Variants in NAALADL2 observed in about 807,000 individuals in gnomAD.
NAALADL2 encodes the protein inactive N-acetylated-alpha-linked acidic dipeptidase-like protein 2.
A neutral mutation model predicts 87.2 loss-of-function variants in NAALADL2; 76 were observed. That is an observed-to-expected ratio of 0.87 (90% CI 0.72 to 1.05). The LOEUF (loss-of-function observed/expected upper bound fraction) is 1.05, where lower values mean the gene tolerates loss of function less well. Ranked by LOEUF, NAALADL2 falls within the 50% of genes least tolerant of loss-of-function variation. The pLI, the probability that NAALADL2 is intolerant of heterozygous loss-of-function variation, is 0.00. For missense variants in NAALADL2, 1,089 were observed against 945.8 expected, an observed-to-expected ratio of 1.15 and a Z score of -1.99; for synonymous variants, 354 against 331.0, an observed-to-expected ratio of 1.07 and a Z score of -0.75.
rs149146116 is a variant in NAALADL2, at chr3:174,617,890, A to G, written c.-115+67253A>G. Among the ~76,000 whole-genome samples, 380 of 151,866 alleles carry G rather than the reference A, an allele frequency of 2.5e-3. 2 individuals are homozygous for G. Among genetic ancestry groups the G allele is most frequent in the African/African-American group, 8.6e-3 (357 of 41,530 alleles). Reference sequence around the variant, plus strand: ...AAAATGTGATCTAGCTTTATGTTATATAGTCTCTAAGATGGGAATACATGG... The same window carrying G: ...AAAATGTGATCTAGCTTTATGTTATGTAGTCTCTAAGATGGGAATACATGG... On this transcript the variant is annotated intron_variant, in intron 2 of 3. Transcript: ENST00000434257.
At chr3:175,269,487 C>T (rs1457253596) in intron 4 of NAALADL2, among the ~76,000 whole-genome samples, 1 of 152,176 alleles carries the variant, frequency 6.6e-6, no homozygotes, top group African/African-American at 2.4e-5. Flanking sequence ...AGGAAAATTT[C>T]AGCTCCGTTA....
chr3:174,465,786 C>G (rs1406277851), intron 1 of NAALADL2, among the ~76,000 whole-genome samples: 1 of 152,086 alleles, frequency 6.6e-6, no homozygotes, highest in African/African-American at 2.4e-5. Flanking sequence ...CTTACACCCT[C>G]ATAACTAAAG....
chr3:175,076,376 G>T (rs2082931006), intron 1 of NAALADL2, among the ~76,000 whole-genome samples: 3 of 146,182 alleles, frequency 2.1e-5, no homozygotes, highest in Admixed American at 1.4e-4. Flanking sequence ...TCTAAAGACA[G>T]TTCTTAAAAG....
chr3:175,773,388 A>C (rs1293570041), intron 13 of NAALADL2: 2 of 151,808 alleles, frequency 1.3e-5, no homozygotes, highest in African/African-American at 2.4e-5. Flanking sequence ...CTTCTAATTG[A>C]TATCATTGTG....
At chr3:175,513,745 A>G (rs1731480887) in intron 9 of NAALADL2, among the ~76,000 whole-genome samples, 1 of 152,228 alleles carries the variant, frequency 6.6e-6, no homozygotes. Context: ...AGCGTGTGGC[A>G]TCTTGGATCC....
intron 4 of NAALADL2, among the ~76,000 whole-genome samples, chr3:175,303,948 C>T (rs1014854480): frequency 3.3e-5 from 5 of 151,668 alleles, no homozygotes; most frequent in Non-Finnish European, 7.4e-5. Flanking sequence ...CTTCTGTGCC[C>T]GAAATCTTTG....
At position 175,755,352 on chromosome 3, in the gene NAALADL2, T is replaced by C; in HGVS notation, c.2123T>C (p.Leu708Pro). 1 of 1,612,590 alleles carries C rather than the reference T, an allele frequency of 6.2e-7. No individual in the cohort carries two copies. Residue 708 changes from leucine (L) to proline (P), a missense_variant, in exon 13 of 14, where the codon CTG (leucine) becomes CCG (proline). Physicochemically the swap from Leu to Pro is moderately conservative, Grantham distance 98 (BLOSUM62 -3). Transcript: ENST00000454872. Reference sequence around the variant, plus strand: ...AGAGCACCCATCCGCATCCGGATGCTGAATGACATTCTCCAAGACATGGAG... The same window carrying C: ...AGAGCACCCATCCGCATCCGGATGCCGAATGACATTCTCCAAGACATGGAG... ...KERAPIRIRMLNDILQDMEKS... is the reference protein window; with the variant it reads ...KERAPIRIRMPNDILQDMEKS...
At chr3:175,703,266 T>A (rs1319482592) in intron 11 of NAALADL2, among the ~76,000 whole-genome samples, 1 of 152,168 alleles carries the variant, frequency 6.6e-6, no homozygotes, top group East Asian at 1.9e-4. Flanking sequence ...TCATTAAACC[T>A]TGGGAACAAG....
At chr3:174,712,261 C>T (rs1730713797) in intron 2 of NAALADL2, among the ~76,000 whole-genome samples, 1 of 151,452 alleles carries the variant, frequency 6.6e-6, no homozygotes, top group South Asian at 2.1e-4. Context: ...TTAATAATTT[C>T]TAATGGGATA....
intron 1 of NAALADL2, among the ~76,000 whole-genome samples, chr3:174,976,314 T>G (rs536089019): frequency 6.6e-6 from 1 of 152,330 alleles, no homozygotes; most frequent in South Asian, 2.1e-4. Context: ...TTGTCTATAG[T>G]CCTCATAGTA....
intron 4 of NAALADL2, among the ~76,000 whole-genome samples, chr3:175,318,978 A>AT (rs58398985): frequency 0.22 from 33,908 of 152,044 alleles, 3,876 homozygotes; most frequent in African/African-American, 0.25. Flanking sequence ...ATTCTATTAT[A>AT]TTTTTATATA....
chr3:175,317,164 G>T (rs1271482827), intron 4 of NAALADL2, among the ~76,000 whole-genome samples: 1 of 151,946 alleles, frequency 6.6e-6, no homozygotes, highest in African/African-American at 2.4e-5. Context: ...TTATAAAAGG[G>T]GTCACAACAT....
intron 12 of NAALADL2, among the ~76,000 whole-genome samples, chr3:175,747,762 T>C (rs140894200): frequency 6.6e-6 from 1 of 152,322 alleles, no homozygotes; most frequent in Non-Finnish European, 1.5e-5. Context: ...CCACCTGAAT[T>C]TAATTCATTC....
rs115946958 is a variant in NAALADL2 at position 175,040,043 on chromosome 3, G to A, written c.44-56747G>A. Among the ~76,000 whole-genome samples, 215 of 152,126 alleles carry A rather than the reference G, an allele frequency of 1.4e-3. 1 individual carries two copies. The highest frequency in any genetic ancestry group is 4.8e-3 in the African/African-American group (201 of 41,522). On this transcript the variant is annotated intron_variant, in intron 1 of 13. Coordinates refer to ENST00000454872, the MANE Select transcript of NAALADL2 (RefSeq NM_207015.3). ...CGCACAGGCATATGTGCACACACAC[G>A]CATACACTCAACCCCAGCCAAGATC... is the stretch of plus-strand genomic sequence containing the variant.
At chr3:174,825,248 T>G (rs1721853272) in intron 3 of NAALADL2, among the ~76,000 whole-genome samples, 1 of 152,202 alleles carries the variant, frequency 6.6e-6, no homozygotes, top group Non-Finnish European at 1.5e-5. Flanking sequence ...TCAGTTTGCA[T>G]CTTAAGGCCT....
intron 11 of NAALADL2, among the ~76,000 whole-genome samples, chr3:175,700,135 G>T (rs761950017): frequency 7.9e-5 from 12 of 152,100 alleles, no homozygotes; most frequent in Non-Finnish European, 1.5e-4. Flanking sequence ...TATCTGTAAA[G>T]GCCTTGTTTG....
chr3:174,789,678 A>C (rs1717230914), intron 3 of NAALADL2, among the ~76,000 whole-genome samples: 1 of 152,214 alleles, frequency 6.6e-6, no homozygotes, highest in Non-Finnish European at 1.5e-5. Context: ...GGTAAATAAG[A>C]GGAATGGAGA....
intron 13 of NAALADL2, among the ~76,000 whole-genome samples, chr3:175,776,630 T>A (rs370292636): frequency 6.6e-6 from 1 of 152,130 alleles, no homozygotes; most frequent in East Asian, 1.9e-4. Context: ...AAAGTCTGCA[T>A]CTCGAAGACT....
chr3:174,472,881 G>A, intron 1 of NAALADL2, among the ~76,000 whole-genome samples: 1 of 151,890 alleles, frequency 6.6e-6, no homozygotes, highest in East Asian at 1.9e-4. Flanking sequence ...CTTTTTCTTT[G>A]CCATATTTGT....
Sources: gnomAD v4.1 joint callset for allele counts (sites outside exome capture counted in the v4.1 genomes callset) on GRCh38, gnomAD v4.1.1 for gene constraint, MANE v1.5 for transcripts, NCBI Gene and HGNC (gene_info 2026-07-23, HGNC 2026-07-21) for gene names.